Variants in TMEM132B observed in about 807,000 individuals in gnomAD.
TMEM132B encodes the protein transmembrane protein 132B.
In TMEM132B, 18 loss-of-function variants were observed where a neutral mutation model predicts 90.8. That is an observed-to-expected ratio of 0.20 (90% confidence interval 0.14 to 0.29). The LOEUF is 0.29. Ranked by LOEUF, TMEM132B falls within the 10% of genes least tolerant of loss-of-function variation. The pLI is 1.00. For synonymous variants in TMEM132B, 504 were observed against 523.3 expected, an observed-to-expected ratio of 0.96 and a Z score of 0.50; for missense variants, 1,096 against 1,326.8, an observed-to-expected ratio of 0.83 and a Z score of 2.70.
intron 1 of TMEM132B, among the ~76,000 whole-genome samples, chr12:125,334,022 A>G (rs916688009): frequency 6.6e-6 from 1 of 152,186 alleles, no homozygotes; most frequent in Non-Finnish European, 1.5e-5. Context: ...AAAAAATGCC[A>G]TGAAAAGTAT....
chr12:125,498,221 G>T lies in TMEM132B; in HGVS notation c.1107-21218G>T, dbSNP rs970092228. On this transcript the variant is annotated intron_variant, in intron 3 of 8. Transcript: ENST00000682704. This position sits in a 1 kb window ranked among gnomAD's most constrained non-coding sequence, Gnocchi z 4.5. ...TTCTATGTCCTGGTCAGAAGGCTGG[G>T]AGGATAATGAGAAGAACAGTAAAGG... Among the ~76,000 whole-genome samples the T allele has an allele frequency of 3.2e-4, 48 of 152,226 alleles. No homozygotes were observed. Among genetic ancestry groups the T allele is most frequent in the African/African-American group, 9.4e-4 (39 of 41,454 alleles).
chr12:125,389,013 T>TACACACACACACAC (rs71447042), intron 2 of TMEM132B, among the ~76,000 whole-genome samples: 2 of 140,192 alleles, frequency 1.4e-5, no homozygotes, highest in South Asian at 2.4e-4. Flanking sequence ...ATATTTTCTG[T>TACACACACACACAC]ACACACACAC....
At chr12:125,345,172 A>G (rs971871097) in intron 1 of TMEM132B, among the ~76,000 whole-genome samples, 3 of 152,150 alleles carry the variant, frequency 2.0e-5, no homozygotes, top group African/African-American at 7.2e-5. Flanking sequence ...CCCACTGGAA[A>G]GAGAACTTTC....
chr12:125,585,777 T>G (rs1885166527), intron 5 of TMEM132B: 1 of 152,216 alleles, frequency 6.6e-6, no homozygotes. Context: ...GATACCTTTT[T>G]GCTCAGCTGT....
intron 5 of TMEM132B, among the ~76,000 whole-genome samples, chr12:125,615,926 A>C (rs187198293): frequency 2.0e-5 from 3 of 152,320 alleles, no homozygotes; most frequent in African/African-American, 7.2e-5. Context: ...GAATTCAAAG[A>C]AATAGCTTAA....
intron 1 of TMEM132B, among the ~76,000 whole-genome samples, chr12:125,275,235 AT>A (rs1213329039): frequency 2.0e-5 from 3 of 152,144 alleles, no homozygotes; most frequent in African/African-American, 7.2e-5. Context: ...TTGTTTGTAG[AT>A]TCAGCTTTTT....
rs1340932440 is a variant in TMEM132B at position 125,349,767 on chromosome 12, A to G, written c.383A>G (p.His128Arg). 3.1e-6 allele frequency: 5 copies of G among 1,614,108 alleles called. No homozygotes were observed. The African/African-American group carries it at 5.3e-5, about 17-fold the overall frequency. Reference protein sequence around the residue: ...KFPFNWKLKSHILDSSIYSNR... With the variant: ...KFPFNWKLKSRILDSSIYSNR... ...CCCTTCAACTGGAAATTGAAATCCC[A>G]CATCCTTGACAGCTCCATCTACTCC... The change falls in exon 2 of 9, where the codon CAC (histidine) becomes CGC (arginine). Residue 128 changes from histidine to arginine, a missense_variant. Coordinates refer to ENST00000682704, the MANE Select transcript of TMEM132B (RefSeq NM_001366854.1). The surrounding 1 kb of genome is among the most constrained non-coding windows in gnomAD (Gnocchi z 4.1).
At chr12:125,550,854 C>CT (rs2136758636) in intron 4 of TMEM132B, among the ~76,000 whole-genome samples, 1 of 149,254 alleles carries the variant, frequency 6.7e-6, no homozygotes, top group Admixed American at 6.7e-5. Context: ...TCTTGGCTCA[C>CT]TGCAAGATCT....
chr12:125,652,416 A>G (rs768674900), intron 7 of TMEM132B, 25 bp from the exon 8 acceptor site: 15 of 1,557,702 alleles, frequency 9.6e-6, no homozygotes, highest in East Asian at 2.3e-5. Flanking sequence ...GCAGAGATGC[A>G]TGAGTCTCCT....
intron 1 of TMEM132B, among the ~76,000 whole-genome samples, chr12:125,247,738 A>G (rs1375635833): frequency 6.6e-6 from 1 of 152,166 alleles, no homozygotes; most frequent in Non-Finnish European, 1.5e-5. Flanking sequence ...CATTTCCCCT[A>G]GCCGATGTCA....
intron 5 of TMEM132B, among the ~76,000 whole-genome samples, chr12:125,610,477 T>C (rs976748697): frequency 3.9e-5 from 6 of 152,154 alleles, no homozygotes; most frequent in African/African-American, 1.2e-4. Flanking sequence ...TTTTGTCACG[T>C]GCTTTTTCTG....
intron 1 of TMEM132B, among the ~76,000 whole-genome samples, chr12:125,275,631 A>T (rs1874965887): frequency 6.6e-6 from 1 of 152,244 alleles, no homozygotes. Context: ...GGAGTTGAAC[A>T]GATGGTAAGT....
chr12:125,576,119 C>T (rs963822204), intron 4 of TMEM132B, among the ~76,000 whole-genome samples: 2 of 151,932 alleles, frequency 1.3e-5, no homozygotes, highest in Non-Finnish European at 2.9e-5. Flanking sequence ...ACGTAGGATA[C>T]ATTTTATTTA....
chr12:125,317,846 CAG>C (rs1457420317), intron 1 of TMEM132B, among the ~76,000 whole-genome samples: 1 of 152,154 alleles, frequency 6.6e-6, no homozygotes, highest in African/African-American at 2.4e-5. Context: ...TTAAACAACT[CAG>C]AAACTCCACT....
intron 2 of TMEM132B, among the ~76,000 whole-genome samples, chr12:125,402,655 T>A (rs1417598690): frequency 6.6e-6 from 1 of 152,214 alleles, no homozygotes; most frequent in East Asian, 1.9e-4. Context: ...CCAATCAAGA[T>A]GGCAGAGATG....
At chr12:125,274,155 G>A (rs1235296882) in intron 1 of TMEM132B, among the ~76,000 whole-genome samples, 1 of 152,052 alleles carries the variant, frequency 6.6e-6, no homozygotes. Flanking sequence ...GTGTCCTTTG[G>A]TGCCGCCCCT....
intron 5 of TMEM132B, among the ~76,000 whole-genome samples, chr12:125,635,896 G>A (rs11058276): frequency 0.096 from 14,569 of 152,092 alleles, 1,160 homozygotes; most frequent in Admixed American, 0.27. Flanking sequence ...GTGGGTATCA[G>A]CAAATTTGGT....
intron 4 of TMEM132B, among the ~76,000 whole-genome samples, chr12:125,540,623 C>A (rs1471430191): frequency 6.6e-6 from 1 of 152,118 alleles, no homozygotes; most frequent in South Asian, 2.1e-4. Flanking sequence ...ACTGTTATAG[C>A]CACTGTGGCT....
At chr12:125,211,684 A>G (rs1272988234) in intron 1 of TMEM132B, among the ~76,000 whole-genome samples, 1 of 152,354 alleles carries the variant, frequency 6.6e-6, no homozygotes, top group East Asian at 1.9e-4. Flanking sequence ...CACCCGCTGC[A>G]CACGGTTCAC....
Sources: allele counts gnomAD v4.1 joint callset (sites outside exome capture counted in the v4.1 genomes callset), GRCh38; gene constraint gnomAD v4.1.1; non-coding constraint Gnocchi (gnomAD v3.1); transcripts MANE v1.5; gene names NCBI Gene and HGNC (gene_info 2026-07-23, HGNC 2026-07-21).